Variants in MEMO1 observed in about 807,000 individuals in gnomAD.
MEMO1 encodes the protein protein MEMO1.
MEMO1 carries 6 observed loss-of-function variants against 45.2 expected under a neutral mutation model. The observed-to-expected ratio is 0.13, with a 90% CI of 0.07 to 0.26. MEMO1 has a LOEUF of 0.26. Among genes scored for constraint, MEMO1 ranks in the 10% least tolerant of loss-of-function variants. The probability of loss-of-function intolerance (pLI) is 1.00; values close to 1 mark genes in which losing one functional copy is unlikely to be tolerated. For synonymous variants in MEMO1, 78 were observed against 124.3 expected (o/e 0.63, Z 2.48); for missense variants, 184 against 370.5 (o/e 0.50, Z 4.13).
intron 2 of MEMO1, among the ~76,000 whole-genome samples, chr2:31,956,820 T>C (rs1046387564): frequency 4.6e-5 from 7 of 152,230 alleles, no homozygotes; most frequent in African/African-American, 1.4e-4. Context: ...TATTGGTTTG[T>C]ATTTATGTAG....
At chr2:31,918,108 G>T in intron 5 of MEMO1, 71 bp from the exon 6 acceptor site, 1 of 994,196 alleles carries the variant, frequency 1.0e-6, no homozygotes, top group Non-Finnish European at 1.4e-6. Context: ...ATTCCACCCA[G>T]TAACACAAAA....
At chr2:31,993,927 A>ACAGAAATAT (rs1276971256) in intron 2 of MEMO1, among the ~76,000 whole-genome samples, 1 of 150,458 alleles carries the variant, frequency 6.6e-6, no homozygotes, top group Non-Finnish European at 1.5e-5. Flanking sequence ...TGCCAGAAAT[A>ACAGAAATAT]CAGAAATATC....
intron 2 of MEMO1, among the ~76,000 whole-genome samples, chr2:31,961,120 G>A (rs1315149742): frequency 6.6e-6 from 1 of 152,180 alleles, no homozygotes; most frequent in African/African-American, 2.4e-5. Context: ...CACTTTGGGA[G>A]GCCAAGGCGG....
At chr2:31,986,330 G>A (rs1405553627) in intron 2 of MEMO1, among the ~76,000 whole-genome samples, 1 of 151,978 alleles carries the variant, frequency 6.6e-6, no homozygotes, top group Non-Finnish European at 1.5e-5. Context: ...AAATTAACCA[G>A]GCGTGGTGGC....
At chr2:31,927,291 G>C (rs987205874) in intron 4 of MEMO1, among the ~76,000 whole-genome samples, 10 of 152,198 alleles carry the variant, frequency 6.6e-5, no homozygotes, top group Non-Finnish European at 1.5e-4. Flanking sequence ...CTGCATTCCA[G>C]CCTGGTGACA....
chr2:32,002,756 A>T (rs1673569693), intron 2 of MEMO1, among the ~76,000 whole-genome samples: 1 of 152,208 alleles, frequency 6.6e-6, no homozygotes, highest in Admixed American at 6.6e-5. Context: ...TGTCATTTTC[A>T]TCTTCTTTCA....
chr2:31,929,296 T>A (rs1022509296), intron 4 of MEMO1, among the ~76,000 whole-genome samples: 1 of 152,194 alleles, frequency 6.6e-6, no homozygotes, highest in Non-Finnish European at 1.5e-5. Flanking sequence ...TTTTTATTAT[T>A]TTTGATATTA....
In MEMO1 at chr2:31,872,194, G is replaced by A. The variant is rs918672812; in HGVS notation, c.658-2242C>T. Among the ~76,000 whole-genome samples the A allele has an allele frequency of 8.5e-5, 13 of 152,214 alleles. No homozygotes were observed. The East Asian group carries it at 2.5e-3, about 29-fold the overall frequency. On this transcript the variant is annotated intron_variant, in intron 8 of 9. Transcript: ENST00000404530. ...ATGATCAAGATATAACTCCCCTAGA[G>A]ATAAATGAACAGAGGCACAAAACAG...
chr2:31,877,939 A>C (rs560595053), intron 8 of MEMO1, among the ~76,000 whole-genome samples: 1 of 152,370 alleles, frequency 6.6e-6, no homozygotes, highest in South Asian at 2.1e-4. Context: ...TTATATTCTA[A>C]TCACTATTCT....
chr2:31,891,962 T>C (rs372476032), intron 7 of MEMO1, 30 bp downstream of exon 7: 2 of 1,595,118 alleles, frequency 1.3e-6, no homozygotes, highest in East Asian at 4.5e-5. Flanking sequence ...ATATAACATC[T>C]ACCATGATAT....
chr2:31,956,275 C>T (rs1411289347), intron 2 of MEMO1, among the ~76,000 whole-genome samples: 2 of 151,072 alleles, frequency 1.3e-5, no homozygotes, highest in African/African-American at 2.4e-5. Flanking sequence ...GTCTGCCTGA[C>T]TGGAAAGAAT....
chr2:31,987,619 C>T (rs1487146087), intron 2 of MEMO1, among the ~76,000 whole-genome samples: 1 of 152,132 alleles, frequency 6.6e-6, no homozygotes, highest in Non-Finnish European at 1.5e-5. Flanking sequence ...AAGCATTTGG[C>T]CAGCTCCTGC....
chr2:31,991,795 G>C (rs1192716185), intron 2 of MEMO1, among the ~76,000 whole-genome samples: 1 of 152,102 alleles, frequency 6.6e-6, no homozygotes, highest in Non-Finnish European at 1.5e-5. Context: ...CATACTAGAA[G>C]AGTAAGCACT....
chr2:31,877,046 C>T (rs1277793220), intron 8 of MEMO1, among the ~76,000 whole-genome samples: 4 of 152,300 alleles, frequency 2.6e-5, no homozygotes, highest in African/African-American at 7.2e-5. Context: ...TATGTAAGAT[C>T]CTTCAAGATA....
At chr2:31,936,835 A>G (rs1361859214) in intron 3 of MEMO1, among the ~76,000 whole-genome samples, 1 of 152,234 alleles carries the variant, frequency 6.6e-6, no homozygotes, top group East Asian at 1.9e-4. Flanking sequence ...CTAAGATTCA[A>G]CAAAGTCAGG....
intron 6 of MEMO1, among the ~76,000 whole-genome samples, chr2:31,906,317 GTTTGTT>G (rs1197268938): frequency 2.2e-3 from 326 of 146,536 alleles, no homozygotes; most frequent in African/African-American, 7.3e-3. Context: ...TTGTTTGTTT[GTTTGTT>G]TTTGTTTTTG....
chr2:31,929,394 T>C (rs554185402), intron 4 of MEMO1, among the ~76,000 whole-genome samples: 3 of 152,186 alleles, frequency 2.0e-5, no homozygotes, highest in Non-Finnish European at 2.9e-5. Context: ...TTTCATGTAA[T>C]TTAATTATAA....
chr2:31,879,100 T>C (rs185110824), intron 8 of MEMO1, among the ~76,000 whole-genome samples: 1 of 152,338 alleles, frequency 6.6e-6, no homozygotes, highest in East Asian at 1.9e-4. Context: ...CAGTTAACAT[T>C]TAAACATTGC....
At chr2:32,009,059 G>T (rs1336825214) in intron 2 of MEMO1, among the ~76,000 whole-genome samples, 2 of 152,156 alleles carry the variant, frequency 1.3e-5, no homozygotes, top group African/African-American at 4.8e-5. Flanking sequence ...AACTGTCTTT[G>T]TTAACATACC....
Sources: allele counts gnomAD v4.1 joint callset (sites outside exome capture counted in the v4.1 genomes callset), GRCh38; gene constraint gnomAD v4.1.1; transcripts MANE v1.5; gene names NCBI Gene and HGNC (gene_info 2026-07-23, HGNC 2026-07-21).